Variants in AGBL4 observed in about 807,000 individuals in gnomAD.
The protein encoded by AGBL4 is cytosolic carboxypeptidase 6.
A neutral mutation model predicts 66.4 loss-of-function variants in AGBL4; 58 were observed. The observed-to-expected ratio is 0.87, with a 90% CI of 0.71 to 1.09. AGBL4 has a LOEUF of 1.09. AGBL4 is among the 50% of genes least tolerant of loss of function. The pLI, the probability that AGBL4 is intolerant of heterozygous loss-of-function variation, is 0.00. For missense variants in AGBL4, 579 were observed against 631.0 expected, an observed-to-expected ratio of 0.92 and a Z score of 0.88; for synonymous variants, 234 against 222.9, an observed-to-expected ratio of 1.05 and a Z score of -0.44.
intron 6 of AGBL4, among the ~76,000 whole-genome samples, chr1:48,725,474 A>G (rs1020748745): frequency 1.6e-4 from 24 of 152,238 alleles, no homozygotes; most frequent in African/African-American, 5.3e-4. Flanking sequence ...AAGCAGTACT[A>G]TCATTCCCAG....
At chr1:49,544,434 G>A (rs1206758776) in intron 3 of AGBL4, among the ~76,000 whole-genome samples, 1 of 152,154 alleles carries the variant, frequency 6.6e-6, no homozygotes, top group Non-Finnish European at 1.5e-5. Flanking sequence ...ATATTCTTCT[G>A]TTATTGAGAA....
At chr1:49,443,699 AG>A (rs1163055667) in intron 3 of AGBL4, among the ~76,000 whole-genome samples, 2 of 151,478 alleles carry the variant, frequency 1.3e-5, no homozygotes, top group Non-Finnish European at 3.0e-5. Context: ...AGGTAATGTG[AG>A]CCTCCAGCCT....
rs572213527 is a variant in AGBL4 at position 48,647,764 on chromosome 1, C to T, written c.839+5573G>A. On this transcript the variant is annotated intron_variant, in intron 8 of 13. Coordinates refer to ENST00000371839, the MANE Select transcript of AGBL4 (RefSeq NM_032785.4). Reference sequence around the variant, plus strand: ...GCTTTCTTCTCTGCAAAAGAAGTGACGAGGAAGGAGCTGGCAGAGAGAGTG... The same window carrying T: ...GCTTTCTTCTCTGCAAAAGAAGTGATGAGGAAGGAGCTGGCAGAGAGAGTG... Among the ~76,000 whole-genome samples the T allele has an allele frequency of 1.1e-4, 17 of 152,228 alleles. No homozygotes were observed. In the South Asian group the frequency reaches 1.9e-3, roughly 17 times the overall value.
At chr1:49,822,277 G>A (rs1469436711) in intron 2 of AGBL4, among the ~76,000 whole-genome samples, 1 of 151,530 alleles carries the variant, frequency 6.6e-6, no homozygotes, top group African/African-American at 2.4e-5. Flanking sequence ...TTTCTTTTTT[G>A]TATTTTTCTT....
chr1:48,684,566 C>T (rs1646501429), intron 6 of AGBL4, among the ~76,000 whole-genome samples: 1 of 152,168 alleles, frequency 6.6e-6, no homozygotes, highest in South Asian at 2.1e-4. Flanking sequence ...ATTTGGCCGT[C>T]CACTTGGAAG....
chr1:49,512,465 G>T (rs553373094), intron 3 of AGBL4, among the ~76,000 whole-genome samples: 1 of 152,090 alleles, frequency 6.6e-6, no homozygotes, highest in South Asian at 2.1e-4. Context: ...CATGGGGGCA[G>T]ATCCTTCATG....
At chr1:48,978,723 T>G (rs1252525743) in intron 5 of AGBL4, among the ~76,000 whole-genome samples, 1 of 152,210 alleles carries the variant, frequency 6.6e-6, no homozygotes, top group East Asian at 1.9e-4. Flanking sequence ...TTTGTTGAAA[T>G]GCTTAGTGTA....
intron 1 of AGBL4, among the ~76,000 whole-genome samples, chr1:49,869,462 G>A (rs1371073897): frequency 6.6e-6 from 1 of 152,122 alleles, no homozygotes; most frequent in African/African-American, 2.4e-5. Flanking sequence ...GATGAAGCTG[G>A]AAGCCATTAT....
chr1:49,946,118 T>C (rs1274478129), intron 1 of AGBL4, among the ~76,000 whole-genome samples: 2 of 151,740 alleles, frequency 1.3e-5, no homozygotes, highest in African/African-American at 4.8e-5. Context: ...GTAGGGAACT[T>C]CAATACTCCA....
At chr1:49,973,566 T>C (rs934887506) in intron 1 of AGBL4, among the ~76,000 whole-genome samples, 1 of 148,980 alleles carries the variant, frequency 6.7e-6, no homozygotes. Flanking sequence ...TTTACATATA[T>C]AATTATATAT....
chr1:49,932,837 A>T (rs1653506126), intron 1 of AGBL4, among the ~76,000 whole-genome samples: 1 of 152,146 alleles, frequency 6.6e-6, no homozygotes, highest in African/African-American at 2.4e-5. Flanking sequence ...AAGAATCAGC[A>T]AATGCAAAAA....
intron 5 of AGBL4, among the ~76,000 whole-genome samples, chr1:48,897,879 G>A (rs576490465): frequency 2.7e-5 from 4 of 147,758 alleles, no homozygotes; most frequent in Non-Finnish European, 5.9e-5. Flanking sequence ...GCACGATCTC[G>A]GTTCACTGCA....
rs568118812 is a variant in AGBL4, at chr1:49,423,371, C to T, written c.283-177507G>A. ...TATTTTAAAAATAAAAAATAAACAT[C>T]CTGTAAGTTAACTGGAAATAGCTGC... On this transcript the variant is annotated intron_variant, in intron 3 of 13. Transcript: ENST00000371839. Among the ~76,000 whole-genome samples, 6 of 152,214 alleles carry T rather than the reference C, an allele frequency of 3.9e-5. No homozygotes were observed. In the East Asian group the frequency reaches 1.2e-3, roughly 29 times the overall value.
At chr1:49,768,128 T>C (rs1343652558) in intron 2 of AGBL4, among the ~76,000 whole-genome samples, 1 of 152,074 alleles carries the variant, frequency 6.6e-6, no homozygotes, top group East Asian at 1.9e-4. Context: ...CTCCTGAAAT[T>C]ATTCCAAAAA....
chr1:49,140,498 C>A (rs973129096), intron 4 of AGBL4, among the ~76,000 whole-genome samples: 7 of 152,224 alleles, frequency 4.6e-5, no homozygotes, highest in Non-Finnish European at 8.8e-5. Context: ...CACAACTGTA[C>A]TCATTGTGCC....
intron 5 of AGBL4, among the ~76,000 whole-genome samples, chr1:48,994,538 C>T (rs1166713864): frequency 6.6e-6 from 1 of 152,118 alleles, no homozygotes; most frequent in Non-Finnish European, 1.5e-5. Context: ...CTTATTCATG[C>T]AGCTATTTTT....
At chr1:48,631,282 G>A (rs1317391210) in intron 9 of AGBL4, among the ~76,000 whole-genome samples, 1 of 152,192 alleles carries the variant, frequency 6.6e-6, no homozygotes, top group Non-Finnish European at 1.5e-5. Flanking sequence ...TGCAGTGTTT[G>A]CAACTGGGCA....
At chr1:48,907,757 C>T (rs1343808054) in intron 5 of AGBL4, among the ~76,000 whole-genome samples, 1 of 152,076 alleles carries the variant, frequency 6.6e-6, no homozygotes, top group Non-Finnish European at 1.5e-5. Context: ...AGAGGGGGCT[C>T]ATGATATAGT....
At chr1:49,115,277 T>A (rs569913687) in intron 4 of AGBL4, among the ~76,000 whole-genome samples, 1 of 152,180 alleles carries the variant, frequency 6.6e-6, no homozygotes, top group Non-Finnish European at 1.5e-5. Flanking sequence ...ACACAAAATA[T>A]CAATACAAAG....
Sources: gnomAD v4.1 joint callset for allele counts (sites outside exome capture counted in the v4.1 genomes callset) on GRCh38, gnomAD v4.1.1 for gene constraint, MANE v1.5 for transcripts, NCBI Gene and HGNC (gene_info 2026-07-23, HGNC 2026-07-21) for gene names.